Variants in NCKAP5 observed in about 807,000 individuals in gnomAD.
NCKAP5 encodes nck-associated protein 5.
Under a neutral mutation model 167.0 loss-of-function variants are expected in NCKAP5, and 92 were observed. That is an observed-to-expected ratio of 0.55 (90% CI 0.47 to 0.66). The LOEUF (loss-of-function observed/expected upper bound fraction) is 0.66. Among genes scored for constraint, NCKAP5 ranks in the 30% least tolerant of loss-of-function variants. The probability of loss-of-function intolerance (pLI) is 0.00; values close to 1 mark genes in which losing one functional copy is unlikely to be tolerated. For missense variants in NCKAP5, 2,378 were observed against 2,315.0 expected, an observed-to-expected ratio of 1.03 and a Z score of -0.56; for synonymous variants, 891 against 877.4, an observed-to-expected ratio of 1.02 and a Z score of -0.27.
intron 5 of NCKAP5, among the ~76,000 whole-genome samples, chr2:133,213,014 G>A (rs1452041022): frequency 6.6e-6 from 1 of 152,080 alleles, no homozygotes; most frequent in Non-Finnish European, 1.5e-5. Flanking sequence ...TTCCATAAGT[G>A]GAGGAAAAAA....
At chr2:133,261,677 G>A (rs992292749) in intron 4 of NCKAP5, among the ~76,000 whole-genome samples, 2 of 152,188 alleles carry the variant, frequency 1.3e-5, no homozygotes, top group Non-Finnish European at 2.9e-5. Flanking sequence ...TAACTGAAAT[G>A]TCGAAGCTTA....
intron 3 of NCKAP5, among the ~76,000 whole-genome samples, chr2:133,508,723 A>G (rs1000052146): frequency 6.6e-6 from 1 of 152,222 alleles, no homozygotes; most frequent in African/African-American, 2.4e-5. Flanking sequence ...AATGATGCGG[A>G]AAACTCAGTT....
intron 8 of NCKAP5, among the ~76,000 whole-genome samples, chr2:132,933,909 C>T (rs1444214792): frequency 6.6e-6 from 1 of 152,158 alleles, no homozygotes; most frequent in Admixed American, 6.5e-5. Context: ...ACTACACAAT[C>T]CCCGAAGAGC....
At chr2:133,461,115 G>A (rs1415244252) in intron 3 of NCKAP5, among the ~76,000 whole-genome samples, 1 of 152,108 alleles carries the variant, frequency 6.6e-6, no homozygotes, top group Non-Finnish European at 1.5e-5. Context: ...AGATGGGATG[G>A]GGCAGGTGAA....
chr2:132,768,764 C>T (rs1344250636), intron 16 of NCKAP5, among the ~76,000 whole-genome samples: 1 of 151,228 alleles, frequency 6.6e-6, no homozygotes, highest in Non-Finnish European at 1.5e-5. Flanking sequence ...CTCAGCCTCC[C>T]GAGTAGCTGG....
intron 11 of NCKAP5, among the ~76,000 whole-genome samples, chr2:132,807,472 G>C (rs1349098648): frequency 6.6e-6 from 1 of 151,896 alleles, no homozygotes; most frequent in Non-Finnish European, 1.5e-5. Context: ...GAGGCCTTTT[G>C]ACCCCTTGGT....
At chr2:132,973,247 C>T (rs887902084) in intron 7 of NCKAP5, among the ~76,000 whole-genome samples, 8 of 152,276 alleles carry the variant, frequency 5.3e-5, no homozygotes, top group Middle Eastern at 3.4e-3. Context: ...ATATCACACT[C>T]GGACACACCT....
Position 132,909,278 on chromosome 2 carries a change from G to A in NCKAP5, c.580-30362C>T, listed in dbSNP as rs528703088. ...GGAGAATTGCTTGAACCTGGGAGGT[G>A]GAGGTTGCTGTGAACTGAGATGGCA... On this transcript the variant is annotated intron_variant, in intron 8 of 19. Coordinates refer to ENST00000409261, the MANE Select transcript of NCKAP5 (RefSeq NM_207363.3). Among the ~76,000 whole-genome samples, 345 of 152,222 alleles carry A rather than the reference G, an allele frequency of 2.3e-3. 1 individual carries two copies. The highest frequency in any genetic ancestry group is 0.014 in the Middle Eastern group (4 of 294).
At chr2:133,108,002 C>T (rs550753122) in intron 6 of NCKAP5, among the ~76,000 whole-genome samples, 1 of 152,240 alleles carries the variant, frequency 6.6e-6, no homozygotes, top group South Asian at 2.1e-4. Context: ...TACTTACAGC[C>T]TAAATCCCTC....
chr2:133,559,732 G>C (rs1688023826), intron 1 of NCKAP5, among the ~76,000 whole-genome samples: 1 of 152,108 alleles, frequency 6.6e-6, no homozygotes, highest in South Asian at 2.1e-4. Context: ...GATATCCAAG[G>C]ATAAATGCCA....
intron 14 of NCKAP5, 34 bp from the exon 15 acceptor site, chr2:132,781,263 C>G (rs1387398334): frequency 2.5e-6 from 4 of 1,585,342 alleles, no homozygotes; most frequent in East Asian, 2.2e-5. Context: ...TGATAAGTTA[C>G]CTTGCTCCTT....
intron 10 of NCKAP5, among the ~76,000 whole-genome samples, chr2:132,861,978 G>A (rs1351403979): frequency 1.3e-5 from 2 of 152,204 alleles, no homozygotes; most frequent in South Asian, 2.1e-4. Context: ...TGCTAAAGGG[G>A]ATGATGATGG....
chr2:133,293,001 C>A (rs1257445851), intron 4 of NCKAP5, among the ~76,000 whole-genome samples: 1 of 152,174 alleles, frequency 6.6e-6, no homozygotes, highest in East Asian at 1.9e-4. Flanking sequence ...CATCAGCCCT[C>A]ACTCCAATTC....
At chr2:133,122,094 G>A (rs1349948848) in intron 6 of NCKAP5, 1 of 152,214 alleles carries the variant, frequency 6.6e-6, no homozygotes, top group Non-Finnish European at 1.5e-5. Context: ...TGAGAACAAA[G>A]AGGGAGGGAG....
intron 19 of NCKAP5, among the ~76,000 whole-genome samples, chr2:132,721,662 C>A (rs771093164): frequency 6.6e-6 from 1 of 152,336 alleles, no homozygotes; most frequent in East Asian, 1.9e-4. Flanking sequence ...AATGGTGCTG[C>A]ATCCATCCTT....
intron 3 of NCKAP5, among the ~76,000 whole-genome samples, chr2:133,427,716 C>T (rs890454117): frequency 1.3e-5 from 2 of 151,548 alleles, no homozygotes; most frequent in African/African-American, 4.8e-5. Context: ...TATGACCGAG[C>T]ACAGTTTATT....
At chr2:132,686,960 G>A (rs1686025690) in intron 19 of NCKAP5, among the ~76,000 whole-genome samples, 1 of 152,162 alleles carries the variant, frequency 6.6e-6, no homozygotes, top group African/African-American at 2.4e-5. Context: ...CAAGGTTAGA[G>A]ATTAAAACAT....
intron 16 of NCKAP5, among the ~76,000 whole-genome samples, chr2:132,743,557 G>T (rs1271882163): frequency 6.6e-6 from 1 of 151,518 alleles, no homozygotes; most frequent in South Asian, 2.1e-4. Flanking sequence ...TAGCTAATAA[G>T]TTACAAGAGG....
At position 133,177,164 on chromosome 2, in the gene NCKAP5, CTATA is replaced by C. The variant is rs61395261; in HGVS notation, c.207+36548_207+36551del. Among the ~76,000 whole-genome samples the C allele has an allele frequency of 1.1e-3, 146 of 138,494 alleles. 1 individual carries two copies. Among genetic ancestry groups the C allele is most frequent in the African/African-American group, 1.8e-3 (62 of 35,058 alleles). 90.9% of individuals were successfully genotyped at this position (138,494 alleles called of 152,430 possible). A position where few individuals can be genotyped will look rare whatever the true frequency, so the allele number is the denominator to read the frequency against. On this transcript the variant is annotated intron_variant, in intron 5 of 19. Coordinates refer to ENST00000409261, the MANE Select transcript of NCKAP5 (RefSeq NM_207363.3). ...TTAGCGACACAGGAGGTTTTGTTTT[CTATA>C]TATATATATATATATATATACTCAA...
Sources: allele counts gnomAD v4.1 joint callset (sites outside exome capture counted in the v4.1 genomes callset), GRCh38; gene constraint gnomAD v4.1.1; transcripts MANE v1.5; gene names NCBI Gene and HGNC (gene_info 2026-07-23, HGNC 2026-07-21).